The following SH3GL2 variants were observed in gnomAD, a reference collection of about 807,000 sequenced individuals.
SH3GL2 encodes SH3 domain containing GRB2 like 2, endophilin A1.
A neutral mutation model predicts 46.0 loss-of-function variants in SH3GL2; 24 were observed. That is an observed-to-expected ratio of 0.52 (90% CI 0.38 to 0.73). The LOEUF (loss-of-function observed/expected upper bound fraction) is 0.73. Ranked by LOEUF, SH3GL2 falls within the 30% of genes least tolerant of loss-of-function variation. SH3GL2 has a pLI of 0.00. For synonymous variants in SH3GL2, 196 were observed against 147.1 expected, an observed-to-expected ratio of 1.33 and a Z score of -2.40; for missense variants, 413 against 424.2, an observed-to-expected ratio of 0.97 and a Z score of 0.23.
At chr9:17,618,090 T>G (rs1819048185) in intron 1 of SH3GL2, among the ~76,000 whole-genome samples, 1 of 152,098 alleles carries the variant, frequency 6.6e-6, no homozygotes, top group African/African-American at 2.4e-5. Flanking sequence ...AGCAATAGAT[T>G]TTTTTCCCTC....
chr9:17,584,276 G>A (rs10756891), intron 1 of SH3GL2, among the ~76,000 whole-genome samples: 49,271 of 151,966 alleles, frequency 0.32, 8,272 homozygotes, highest in East Asian at 0.51. Flanking sequence ...CAAGGCGGGC[G>A]GATCACTTGA....
intron 2 of SH3GL2, among the ~76,000 whole-genome samples, chr9:17,760,333 T>C (rs36045574): frequency 0.17 from 26,236 of 152,044 alleles, 2,578 homozygotes; most frequent in Middle Eastern, 0.25. Context: ...TTATTAAGTA[T>C]TGAAAAACTG....
intron 1 of SH3GL2, among the ~76,000 whole-genome samples, chr9:17,586,728 A>G (rs1298558416): frequency 2.0e-5 from 3 of 152,188 alleles, no homozygotes; most frequent in African/African-American, 7.2e-5. Context: ...TTCACTCACT[A>G]TCACGAGAAC....
chr9:17,774,635 A>T (rs1823588840), intron 3 of SH3GL2, among the ~76,000 whole-genome samples: 1 of 152,028 alleles, frequency 6.6e-6, no homozygotes, highest in African/African-American at 2.4e-5. Context: ...GTATTTCAGG[A>T]ACAAATACCA....
chr9:17,792,984 C>T (rs924095421), intron 7 of SH3GL2, among the ~76,000 whole-genome samples: 3 of 152,190 alleles, frequency 2.0e-5, no homozygotes, highest in Admixed American at 6.5e-5. Context: ...GCATGCAATG[C>T]ATAATAATCA....
intron 3 of SH3GL2, among the ~76,000 whole-genome samples, chr9:17,784,766 G>T (rs1823906120): frequency 6.6e-6 from 1 of 152,130 alleles, no homozygotes; most frequent in Admixed American, 6.5e-5. Context: ...CACCCAGAGT[G>T]GAGTGGCACC....
intron 1 of SH3GL2, among the ~76,000 whole-genome samples, chr9:17,731,892 G>A (rs1822194974): frequency 6.6e-6 from 1 of 152,122 alleles, no homozygotes; most frequent in African/African-American, 2.4e-5. Flanking sequence ...CCTCCTCACA[G>A]TATCCTCAGT....
intron 1 of SH3GL2, among the ~76,000 whole-genome samples, chr9:17,743,081 C>G (rs61439272): frequency 6.6e-6 from 1 of 152,084 alleles, no homozygotes; most frequent in Admixed American, 6.5e-5. Context: ...AGAAACAGAG[C>G]TCTTCATTAT....
chr9:17,728,293 A>G (rs1160801823), intron 1 of SH3GL2, among the ~76,000 whole-genome samples: 2 of 152,098 alleles, frequency 1.3e-5, no homozygotes, highest in Non-Finnish European at 1.5e-5. Flanking sequence ...GGGTGTATGT[A>G]TTTAACTAAT....
intron 1 of SH3GL2, among the ~76,000 whole-genome samples, chr9:17,722,672 A>G (rs1000792371): frequency 1.3e-5 from 2 of 152,104 alleles, no homozygotes; most frequent in Non-Finnish European, 2.9e-5. Flanking sequence ...GAATTCCTCT[A>G]TTTACCAAAT....
At chr9:17,614,907 C>G (rs1818950195) in intron 1 of SH3GL2, among the ~76,000 whole-genome samples, 1 of 152,186 alleles carries the variant, frequency 6.6e-6, no homozygotes, top group South Asian at 2.1e-4. Flanking sequence ...ACTCAAGTTT[C>G]CCCACACCCA....
At chr9:17,702,222 A>G (rs1415399354) in intron 1 of SH3GL2, among the ~76,000 whole-genome samples, 2 of 152,154 alleles carry the variant, frequency 1.3e-5, no homozygotes, top group Non-Finnish European at 1.5e-5. Flanking sequence ...TCTTGGATCC[A>G]TAATTCACAT....
rs758250697 is a variant in SH3GL2 at position 17,761,484 on chromosome 9, A to G, written c.162A>G (p.Thr54=). Residue 54 remains threonine, a synonymous_variant, in exon 3 of 9, where the codon ACA becomes ACG. Coordinates refer to ENST00000380607, the MANE Select transcript of SH3GL2 (RefSeq NM_003026.5). ...SRAVMEIMTK[T]IEYLQPNPAS... is the part of the protein sequence containing the mutation. ...CTGTGATGGAAATAATGACTAAAACAATTGAATACCTTCAACCCAATCCAG... is the reference window on the plus strand; with the variant it reads ...CTGTGATGGAAATAATGACTAAAACGATTGAATACCTTCAACCCAATCCAG... The G allele has an allele frequency of 4.4e-6, 7 of 1,605,234 alleles. No individual in the cohort carries two copies. Among genetic ancestry groups the G allele is most frequent in the Middle Eastern group, 3.3e-4 (2 of 6,066 alleles).
At chr9:17,706,080 G>A (rs1310200487) in intron 1 of SH3GL2, among the ~76,000 whole-genome samples, 2 of 151,986 alleles carry the variant, frequency 1.3e-5, no homozygotes, top group Non-Finnish European at 2.9e-5. Flanking sequence ...TCAAAGTAAT[G>A]TCGATATATC....
At chr9:17,754,673 A>C (rs972365695) in intron 2 of SH3GL2, among the ~76,000 whole-genome samples, 2 of 152,108 alleles carry the variant, frequency 1.3e-5, no homozygotes, top group East Asian at 3.9e-4. Context: ...ACTCTGTCTC[A>C]AAAAAATAAA....
chr9:17,618,083 A>AATAGATTTTTTTCCCTCC (rs1213307244), intron 1 of SH3GL2, among the ~76,000 whole-genome samples: 2 of 152,198 alleles, frequency 1.3e-5, no homozygotes, highest in East Asian at 3.9e-4. Context: ...AGAGGAAAGC[A>AATAGATTTTTTTCCCTCC]ATAGATTTTT....
At chr9:17,581,267 A>G (rs1168947246) in intron 1 of SH3GL2, among the ~76,000 whole-genome samples, 2 of 152,216 alleles carry the variant, frequency 1.3e-5, no homozygotes, top group Non-Finnish European at 2.9e-5. Context: ...AAAATAATTT[A>G]AACTGCGTTA....
intron 1 of SH3GL2, among the ~76,000 whole-genome samples, chr9:17,719,998 G>A (rs1011050485): frequency 1.3e-5 from 2 of 151,502 alleles, no homozygotes; most frequent in Admixed American, 1.3e-4. Flanking sequence ...TATTTTTGAT[G>A]TGTTGAATAT....
chr9:17,605,785 G>A (rs116840179), intron 1 of SH3GL2, among the ~76,000 whole-genome samples: 59 of 152,232 alleles, frequency 3.9e-4, no homozygotes, highest in African/African-American at 1.4e-3. Flanking sequence ...CATTCCTAAA[G>A]ACTCTCAATA....
Sources: gnomAD v4.1 joint callset for allele counts (sites outside exome capture counted in the v4.1 genomes callset) on GRCh38, gnomAD v4.1.1 for gene constraint, MANE v1.5 for transcripts, NCBI Gene and HGNC (gene_info 2026-07-23, HGNC 2026-07-21) for gene names.